BRAF: variants seen among roughly 807,000 people sequenced by gnomAD.
BRAF encodes the protein serine/threonine-protein kinase B-raf.
In BRAF, 16 loss-of-function variants were observed where a neutral mutation model predicts 104.6. The observed-to-expected ratio is 0.15, with a 90% confidence interval of 0.10 to 0.23. BRAF has a LOEUF of 0.23. Among genes scored for constraint, BRAF ranks in the 10% least tolerant of loss-of-function variants. The probability of loss-of-function intolerance (pLI) is 1.00; values close to 1 mark genes in which losing one functional copy is unlikely to be tolerated. For missense variants in BRAF, 541 were observed against 937.3 expected (o/e 0.58, Z 5.52); for synonymous variants, 310 against 341.6 (o/e 0.91, Z 1.02).
In BRAF at chr7:140,804,412, G is replaced by A. The variant is rs571418061; in HGVS notation, c.712-2852C>T. The stretch of plus-strand genomic sequence containing the variant: ...TAGAGACAGGTTTTTTTTTTGGGGG[G>A]GGTGGTTAATACTTTTAATTACATG... On this transcript the variant is annotated intron_variant, in intron 5 of 19. Transcript: ENST00000644969. Among the ~76,000 whole-genome samples, 71 of 150,884 alleles carry A rather than the reference G, an allele frequency of 4.7e-4. 1 individual carries two copies. Among genetic ancestry groups the A allele is most frequent in the African/African-American group, 1.6e-3 (67 of 40,754 alleles).
intron 3 of BRAF, among the ~76,000 whole-genome samples, chr7:140,811,280 T>C (rs995958901): frequency 5.3e-5 from 8 of 152,162 alleles, no homozygotes; most frequent in African/African-American, 1.7e-4. Context: ...GTAGCATGCA[T>C]AGCTTTATTG....
intron 8 of BRAF, among the ~76,000 whole-genome samples, chr7:140,791,743 A>G (rs1204991604): frequency 6.6e-6 from 1 of 152,184 alleles, no homozygotes. Flanking sequence ...TTCCTTTGGT[A>G]TTTAACAAAC....
At chr7:140,730,100 G>A (rs1364700882) in intron 19 of BRAF, among the ~76,000 whole-genome samples, 1 of 152,060 alleles carries the variant, frequency 6.6e-6, no homozygotes, top group Non-Finnish European at 1.5e-5. Flanking sequence ...AAACATGGGA[G>A]TAACAGGTGA....
At chr7:140,755,162 T>C (rs564837728) in intron 14 of BRAF, among the ~76,000 whole-genome samples, 1 of 152,296 alleles carries the variant, frequency 6.6e-6, no homozygotes, top group South Asian at 2.1e-4. Context: ...TTTCTTTGTA[T>C]ACCCAGTGCC....
intron 1 of BRAF, among the ~76,000 whole-genome samples, chr7:140,872,244 T>TAAA (rs879942849): frequency 0.096 from 14,522 of 151,226 alleles, 757 homozygotes; most frequent in South Asian, 0.19. Context: ...AATAAATAAA[T>TAAA]TGCACAGAAC....
At chr7:140,818,998 C>T (rs533050666) in intron 3 of BRAF, among the ~76,000 whole-genome samples, 1 of 152,280 alleles carries the variant, frequency 6.6e-6, no homozygotes, top group East Asian at 1.9e-4. Context: ...CCTTTTGTGT[C>T]TCTAGAGCAT....
At chr7:140,735,215 C>T (rs1198258998) in intron 18 of BRAF, among the ~76,000 whole-genome samples, 5 of 152,178 alleles carry the variant, frequency 3.3e-5, no homozygotes, top group Non-Finnish European at 7.3e-5. Flanking sequence ...GCTACTTGCC[C>T]TTTAAAGAAA....
chr7:140,826,068 A>T (rs938968270), intron 3 of BRAF, among the ~76,000 whole-genome samples: 2 of 152,234 alleles, frequency 1.3e-5, no homozygotes, highest in South Asian at 4.1e-4. Flanking sequence ...TATATTTTCT[A>T]TAACTCTCTT....
At chr7:140,842,298 T>A (rs1438834878) in intron 2 of BRAF, among the ~76,000 whole-genome samples, 1 of 152,190 alleles carries the variant, frequency 6.6e-6, no homozygotes, top group African/African-American at 2.4e-5. Context: ...CTGAATTGCT[T>A]CATTTATAAA....
chr7:140,908,992 T>TA (rs200033429), intron 1 of BRAF, among the ~76,000 whole-genome samples: 1 of 146,370 alleles, frequency 6.8e-6, no homozygotes, highest in African/African-American at 2.6e-5. Flanking sequence ...ACGTTTTCTT[T>TA]TTTTTTTTTT....
At position 140,734,774 on chromosome 7, in the gene BRAF, C is replaced by CAAAAAAAAAAGAAAAAAAAAAAAA; in HGVS notation, c.2248-5_2248-4insTTTTTTTTTTTTTCTTTTTTTTTT. 9.1e-6 allele frequency: 7 copies of CAAAAAAAAAAGAAAAAAAAAAAAA among 772,586 alleles called. No homozygotes were observed. The highest frequency in any genetic ancestry group is 8.6e-5 in the East Asian group (2 of 23,122). 47.9% of individuals were successfully genotyped at this position (772,586 alleles called of 1,614,324 possible). A position where few individuals can be genotyped will look rare whatever the true frequency, so the allele number is the denominator to read the frequency against. On this transcript the variant is annotated splice_region_variant and splice_polypyrimidine_tract_variant and intron_variant, in intron 18 of 19. Coordinates refer to ENST00000644969, the MANE Select transcript of BRAF (RefSeq NM_001374258.1). ...GCAGCTCAATAGAGGCGAGAATCTA[C>CAAAAAAAAAAGAAAAAAAAAAAAA]AAAAAAAAAAAGAAAAAAAAAAGAA...
intron 1 of BRAF, among the ~76,000 whole-genome samples, chr7:140,856,373 T>TGGAAAAATTCAGAACATTCC (rs1809779864): frequency 6.6e-6 from 1 of 152,096 alleles, no homozygotes; most frequent in Non-Finnish European, 1.5e-5. Flanking sequence ...ACCACTTAGT[T>TGGAAAAATTCAGAACATTCC]GGAAAAATTC....
intron 2 of BRAF, among the ~76,000 whole-genome samples, chr7:140,843,157 G>A (rs1361584132): frequency 6.6e-6 from 1 of 152,178 alleles, no homozygotes; most frequent in Non-Finnish European, 1.5e-5. Context: ...ATAGTCACTA[G>A]TATAGGGGTG....
intron 3 of BRAF, among the ~76,000 whole-genome samples, chr7:140,826,225 A>G (rs998593853): frequency 6.6e-6 from 1 of 152,212 alleles, no homozygotes; most frequent in African/African-American, 2.4e-5. Flanking sequence ...AACTTGACAT[A>G]CTGAAATTTT....
Position 140,918,465 on chromosome 7 carries a change from C to T in BRAF, c.138+6101G>A, listed in dbSNP as rs1318208232. On this transcript the variant is annotated intron_variant, in intron 1 of 19. Coordinates refer to ENST00000644969, the MANE Select transcript of BRAF (RefSeq NM_001374258.1). The stretch of plus-strand genomic sequence containing the variant: ...TCACTTGCCTGCCACTCACCTCCTG[C>T]GGTGTAGTCAGGTTCCTAACAGGTC... 3.9e-5 allele frequency among the ~76,000 whole-genome samples: 6 copies of T among 152,104 alleles called. No homozygotes were observed. The East Asian group carries it at 5.8e-4, about 15-fold the overall frequency.
intron 14 of BRAF, among the ~76,000 whole-genome samples, chr7:140,759,122 T>C (rs959620479): frequency 3.3e-5 from 5 of 152,248 alleles, no homozygotes; most frequent in African/African-American, 7.2e-5. Flanking sequence ...TATTTACTTA[T>C]TGGACACTGT....
At chr7:140,916,061 C>T (rs1214582036) in intron 1 of BRAF, among the ~76,000 whole-genome samples, 2 of 152,278 alleles carry the variant, frequency 1.3e-5, no homozygotes, top group South Asian at 2.1e-4. Flanking sequence ...TGGAACGATA[C>T]TCCTTGCAAC....
chr7:140,811,085 T>C (rs532762640), intron 3 of BRAF, among the ~76,000 whole-genome samples: 2 of 152,356 alleles, frequency 1.3e-5, no homozygotes, highest in East Asian at 3.9e-4. Flanking sequence ...GTTATAGTAA[T>C]GTCAGCCGTG....
downstream of BRAF, among the ~76,000 whole-genome samples, chr7:140,718,143 A>G (rs1795176953): frequency 6.6e-6 from 1 of 152,106 alleles, no homozygotes; most frequent in Non-Finnish European, 1.5e-5. Context: ...TGCCCAGGCT[A>G]GAGTGCAATG....
Sources: allele counts gnomAD v4.1 joint callset (sites outside exome capture counted in the v4.1 genomes callset), GRCh38; gene constraint gnomAD v4.1.1; transcripts MANE v1.5; gene names NCBI Gene and HGNC (gene_info 2026-07-23, HGNC 2026-07-21).